The following CNTLN variants were observed in gnomAD, a reference collection of about 807,000 sequenced individuals.
The protein encoded by CNTLN is centlein.
In CNTLN, 212 loss-of-function variants were observed where a neutral mutation model predicts 180.0. The ratio of observed to expected loss-of-function variants is 1.18; its 90% CI spans 1.05 to 1.32. CNTLN has a LOEUF of 1.32. Ranked by LOEUF, CNTLN falls within the 40% of genes most tolerant of loss-of-function variation. The pLI, the probability that CNTLN is intolerant of heterozygous loss-of-function variation, is 0.00. For synonymous variants in CNTLN, 722 were observed against 563.1 expected (o/e 1.28, Z -3.99); for missense variants, 2,095 against 1,610.9 (o/e 1.30, Z -5.14).
chr9:17,254,118 A>C (rs539539438), intron 5 of CNTLN, among the ~76,000 whole-genome samples: 3 of 151,692 alleles, frequency 2.0e-5, no homozygotes, highest in African/African-American at 4.8e-5. Flanking sequence ...CATCCCTGGG[A>C]CAAATCCCAG....
chr9:17,165,878 C>G (rs1407263679), intron 2 of CNTLN, among the ~76,000 whole-genome samples: 1 of 152,196 alleles, frequency 6.6e-6, no homozygotes, highest in Non-Finnish European at 1.5e-5. Context: ...ACAACAGAGA[C>G]ACACTGACAG....
the CNTLN span, among the ~76,000 whole-genome samples, chr9:17,526,330 T>C: frequency 1.3e-5 from 2 of 152,232 alleles, no homozygotes; most frequent in East Asian, 1.9e-4. Flanking sequence ...ATTAGGTATG[T>C]CTAAAATTCT....
intron 8 of CNTLN, among the ~76,000 whole-genome samples, chr9:17,315,168 C>T (rs1004290138): frequency 1.3e-5 from 2 of 152,080 alleles, no homozygotes; most frequent in African/African-American, 4.8e-5. Flanking sequence ...TTTTATTGGG[C>T]ATCATCTCAC....
chr9:17,380,604 C>T (rs780869977), intron 13 of CNTLN, among the ~76,000 whole-genome samples: 1 of 152,130 alleles, frequency 6.6e-6, no homozygotes, highest in Admixed American at 6.5e-5. Context: ...TTGTAATTAC[C>T]TATGACCAAG....
At chr9:17,412,861 C>G (rs544009995) in intron 16 of CNTLN, among the ~76,000 whole-genome samples, 2 of 151,878 alleles carry the variant, frequency 1.3e-5, no homozygotes, top group African/African-American at 4.8e-5. Flanking sequence ...ATGGACAGGC[C>G]TAAAACAAAA....
chr9:17,484,416 C>T lies in CNTLN; in HGVS notation c.3977C>T (p.Ala1326Val), dbSNP rs764889219. The change falls in exon 24 of 26, where the codon GCA (alanine) becomes GTA (valine). Residue 1326 changes from alanine (A) to valine (V), a missense_variant. Ala to Val is a moderately conservative substitution (Grantham distance 64). Coordinates refer to ENST00000380647, the MANE Select transcript of CNTLN (RefSeq NM_017738.4). ...TCAACCCATAAAGCCCAGACCTTGG[C>T]AGCTTCTATCCTGAACATTTCACGG... ...KTSTHKAQTL[A>V]ASILNISRSD... is the part of the protein sequence containing the mutation. 11 of 1,611,824 alleles carry T rather than the reference C, an allele frequency of 6.8e-6. 1 individual carries two copies. The South Asian group carries it at 9.9e-5, about 15-fold the overall frequency.
chr9:17,388,334 T>C, intron 14 of CNTLN, 81 bp downstream of exon 14: 1 of 914,286 alleles, frequency 1.1e-6, no homozygotes, highest in Non-Finnish European at 1.7e-6. Context: ...AAACGAGGGC[T>C]TGTAAATGTA....
intron 12 of CNTLN, among the ~76,000 whole-genome samples, chr9:17,361,085 A>G (rs1823348309): frequency 1.3e-5 from 2 of 152,032 alleles, no homozygotes; most frequent in Non-Finnish European, 2.9e-5. Flanking sequence ...TTATACTTTA[A>G]GTTTTAGGGT....
chr9:17,281,595 G>T (rs1828667865), intron 6 of CNTLN, among the ~76,000 whole-genome samples: 1 of 152,028 alleles, frequency 6.6e-6, no homozygotes, highest in Non-Finnish European at 1.5e-5. Context: ...CTCCATCCAT[G>T]TCCCTGCAAA....
chr9:17,431,509 T>C (rs1484109489), intron 18 of CNTLN, among the ~76,000 whole-genome samples: 1 of 152,152 alleles, frequency 6.6e-6, no homozygotes, highest in East Asian at 1.9e-4. Flanking sequence ...CTTTGTTGAT[T>C]GTTTCCATTG....
chr9:17,411,473 C>T (rs546552720), intron 16 of CNTLN, among the ~76,000 whole-genome samples: 3 of 152,224 alleles, frequency 2.0e-5, no homozygotes, highest in African/African-American at 7.2e-5. Flanking sequence ...AGGGTGATGC[C>T]AGAGAGGACC....
chr9:17,351,783 T>A (rs1288831574), intron 12 of CNTLN, among the ~76,000 whole-genome samples: 2 of 152,218 alleles, frequency 1.3e-5, no homozygotes, highest in Non-Finnish European at 1.5e-5. Context: ...AAACTATAGT[T>A]CTGAGAATGT....
At chr9:17,298,915 C>G in intron 7 of CNTLN, 1 of 985,234 alleles carries the variant, frequency 1.0e-6, no homozygotes, top group South Asian at 4.7e-5. Context: ...TGCTAACTGA[C>G]TCAGCAGCAA....
chr9:17,163,402 C>T (rs994729071), intron 2 of CNTLN, among the ~76,000 whole-genome samples: 5 of 152,184 alleles, frequency 3.3e-5, no homozygotes, highest in African/African-American at 1.2e-4. Context: ...TAACAAAGTA[C>T]AAGTTGATAC....
chr9:17,213,517 A>G (rs1297482010), intron 2 of CNTLN, among the ~76,000 whole-genome samples: 1 of 152,196 alleles, frequency 6.6e-6, no homozygotes, highest in Non-Finnish European at 1.5e-5. Context: ...TGGTGCTGAG[A>G]AGCATGTATA....
chr9:17,189,021 TC>T (rs1362890310), intron 2 of CNTLN, among the ~76,000 whole-genome samples: 1 of 151,576 alleles, frequency 6.6e-6, no homozygotes, highest in East Asian at 1.9e-4. Flanking sequence ...GAATTTTTTT[TC>T]TTCCATGCAG....
chr9:17,205,832 C>G (rs1587138589), intron 2 of CNTLN, among the ~76,000 whole-genome samples: 4 of 152,294 alleles, frequency 2.6e-5, no homozygotes, highest in South Asian at 2.1e-4. Context: ...TGGATCTCTG[C>G]TTTTTCTTGA....
At chr9:17,180,112 T>G (rs971497453) in intron 2 of CNTLN, among the ~76,000 whole-genome samples, 20 of 151,644 alleles carry the variant, frequency 1.3e-4, no homozygotes, top group African/African-American at 4.3e-4. Flanking sequence ...TTTTAAAATC[T>G]ACTCTGTTGA....
intron 2 of CNTLN, among the ~76,000 whole-genome samples, chr9:17,165,927 T>C (rs1490813041): frequency 2.6e-5 from 4 of 152,182 alleles, no homozygotes; most frequent in African/African-American, 9.7e-5. Context: ...CTGTTAACTA[T>C]AGAGACCTTT....
Sources: gnomAD v4.1 joint callset for allele counts (sites outside exome capture counted in the v4.1 genomes callset) on GRCh38, gnomAD v4.1.1 for gene constraint, MANE v1.5 for transcripts, NCBI Gene and HGNC (gene_info 2026-07-23, HGNC 2026-07-21) for gene names.